Variants in MAP4K1 observed in about 807,000 individuals in gnomAD.
MAP4K1 encodes the protein mitogen-activated protein kinase kinase kinase kinase 1, also known as MAPK/ERK kinase kinase kinase 1.
Under a neutral mutation model 122.8 loss-of-function variants are expected in MAP4K1, and 35 were observed. The ratio of observed to expected loss-of-function variants is 0.29; its 90% CI spans 0.22 to 0.38. The LOEUF is 0.38. MAP4K1 is among the 10% of genes least tolerant of loss of function. MAP4K1 has a pLI of 1.00. For missense variants in MAP4K1, 791 were observed against 1,072.6 expected, an observed-to-expected ratio of 0.74 and a Z score of 3.67; for synonymous variants, 412 against 421.3, an observed-to-expected ratio of 0.98 and a Z score of 0.27.
intron 25 of MAP4K1, 96 bp downstream of exon 25, chr19:38,596,938 G>C: frequency 8.4e-7 from 1 of 1,193,658 alleles, no homozygotes; most frequent in East Asian, 2.4e-5. Context: ...CCTCGACGGA[G>C]GTGGGGCTTC....
chr19:38,589,561 A>G (rs1055878919), intron 30 of MAP4K1, among the ~76,000 whole-genome samples: 1 of 151,530 alleles, frequency 6.6e-6, no homozygotes, highest in African/African-American at 2.4e-5. Context: ...GATTACAGGC[A>G]TGCAACACCA....
At position 38,617,609 on chromosome 19, in the gene MAP4K1, G is replaced by A; in HGVS notation, c.116C>T (p.Ser39Leu). The change falls in exon 2 of 31, where the codon TCA becomes TTA. Residue 39 changes from serine to leucine, a missense_variant. Around this residue, in one of 4 missense-constraint regions of MAP4K1, gnomAD observed 163 missense variants for 286.1 expected, o/e 0.57. Transcript: ENST00000396857. This position sits in a 1 kb window ranked among gnomAD's most constrained non-coding sequence, Gnocchi z 4.1. ...CATCTTCAGTGCCACCAGGTCCCCT[G>A]ACACCTTGTCTCGAGCCTTGCAAAG... is the stretch of plus-strand genomic sequence containing the variant. ...GEVFKARDKVSGDLVALKMVK... is the reference protein window; with the variant it reads ...GEVFKARDKVLGDLVALKMVK... The A allele has an allele frequency of 6.2e-7, 1 of 1,614,100 alleles. No homozygotes were observed. The highest frequency in any genetic ancestry group is 1.3e-5 in the African/African-American group (1 of 75,008).
chr19:38,594,679 C>T (rs1289055644), intron 29 of MAP4K1, among the ~76,000 whole-genome samples: 1 of 151,532 alleles, frequency 6.6e-6, no homozygotes, highest in Non-Finnish European at 1.5e-5. Context: ...TGGCTCACAC[C>T]TGTAATCCTA....
chr19:38,590,396 TA>T (rs1974687413), intron 30 of MAP4K1, among the ~76,000 whole-genome samples: 1 of 26,360 alleles, frequency 3.8e-5, no homozygotes, highest in Non-Finnish European at 6.1e-5. Context: ...AAAAAAAAAA[TA>T]TATATATATA....
intron 29 of MAP4K1, among the ~76,000 whole-genome samples, chr19:38,594,468 C>T (rs911520121): frequency 1.1e-4 from 17 of 151,992 alleles, no homozygotes; most frequent in Non-Finnish European, 4.4e-5. Context: ...GACAAAACCC[C>T]GTCTCTACTA....
chr19:38,611,078 T>C lies in MAP4K1; in HGVS notation c.783A>G (p.Lys261=). The change falls in exon 11 of 31, where the codon AAA becomes AAG. Residue 261 remains lysine, a synonymous_variant. Transcript: ENST00000396857. ...TGAGCATCTTGGTGGCGCTGGGTCG[T>C]TTCTTGGGACTCTTAGTCAGAGTGA... The part of the protein sequence containing the change: ...IKVTLTKSPK[K]RPSATKMLSH... 6.2e-7 allele frequency: 1 copy of C among 1,612,022 alleles called. No individual in the cohort carries two copies. Among genetic ancestry groups the C allele is most frequent in the Non-Finnish European group, 8.5e-7 (1 of 1,179,316 alleles).
intron 13 of MAP4K1, 96 bp downstream of exon 13, chr19:38,609,500 T>C: frequency 3.8e-6 from 4 of 1,041,564 alleles, no homozygotes; most frequent in Non-Finnish European, 5.8e-6. Context: ...GATCAGATGA[T>C]GCTGAGGGTC....
intron 30 of MAP4K1, among the ~76,000 whole-genome samples, chr19:38,590,392 AAAATATATATATATATATAT>A (rs1432673640): frequency 2.0e-4 from 4 of 19,738 alleles, no homozygotes; most frequent in African/African-American, 6.2e-4. Context: ...AAAAAAAAAA[AAAATATATATATATATATAT>A]ATATATATAT....
chr19:38,613,839 ACC>A, intron 8 of MAP4K1, 39 bp downstream of exon 8: 1 of 1,514,704 alleles, frequency 6.6e-7, no homozygotes, highest in Non-Finnish European at 9.0e-7. Context: ...AAAACCACTG[ACC>A]CCCACTCCAC....
At chr19:38,600,767 C>T (rs899242533) in intron 20 of MAP4K1, among the ~76,000 whole-genome samples, 2 of 150,656 alleles carry the variant, frequency 1.3e-5, no homozygotes, top group African/African-American at 2.4e-5. Context: ...TCCAATATTC[C>T]TACTTTCACT....
chr19:38,605,789 C>T, intron 17 of MAP4K1, 59 bp from the exon 18 acceptor site: 1 of 1,518,662 alleles, frequency 6.6e-7, no homozygotes, highest in Non-Finnish European at 8.9e-7. Context: ...AGAGGGCACC[C>T]TTTTGCAACT....
intron 16 of MAP4K1, 79 bp from the exon 17 acceptor site, chr19:38,606,294 AG>A: frequency 1.4e-6 from 1 of 698,670 alleles, no homozygotes; most frequent in Non-Finnish European, 2.4e-6. Flanking sequence ...TCTGGGCTGG[AG>A]GCCCGGGACT....
At chr19:38,613,763 C>T in intron 8 of MAP4K1, 117 bp downstream of exon 8, 1 of 770,354 alleles carries the variant, frequency 1.3e-6, no homozygotes, top group South Asian at 1.7e-5. Flanking sequence ...AAAGAATCTT[C>T]CAAGGAGAAA....
intron 19 of MAP4K1, among the ~76,000 whole-genome samples, chr19:38,604,971 C>T (rs1174680785): frequency 1.3e-5 from 2 of 151,408 alleles, no homozygotes; most frequent in African/African-American, 4.9e-5. Flanking sequence ...CCTGTAATCT[C>T]AGCTACTCCG....
intron 17 of MAP4K1, 71 bp downstream of exon 17, chr19:38,606,102 C>G (rs1975321266): frequency 1.6e-6 from 2 of 1,257,872 alleles, no homozygotes; most frequent in Non-Finnish European, 2.3e-6. Flanking sequence ...ATCCCAGCAT[C>G]TAAGGACCTG....
chr19:38,612,229 G>A (rs1975518666), intron 9 of MAP4K1, among the ~76,000 whole-genome samples: 1 of 151,846 alleles, frequency 6.6e-6, no homozygotes, highest in African/African-American at 2.4e-5. Context: ...AGACTACCCT[G>A]GCCAACATGT....
intron 29 of MAP4K1, 94 bp from the exon 30 acceptor site, chr19:38,593,431 G>A (rs551595167): frequency 3.2e-5 from 37 of 1,140,460 alleles, no homozygotes; most frequent in African/African-American, 1.9e-4. Context: ...AGCTGGGCAC[G>A]GTGGCTCACG....
rs995100540 is a variant in MAP4K1, at chr19:38,616,138, G to A, written c.313+57C>T. 58 of 1,382,230 alleles carry A rather than the reference G, an allele frequency of 4.2e-5. No homozygotes were observed. The African/African-American group carries it at 6.3e-4, about 15-fold the overall frequency. 85.6% of individuals were successfully genotyped at this position (1,382,230 alleles called of 1,614,324 possible). A position where few individuals can be genotyped will look rare whatever the true frequency, so the allele number is the denominator to read the frequency against. On this transcript the variant is annotated intron_variant, in intron 4 of 30. Coordinates refer to ENST00000396857, the MANE Select transcript of MAP4K1 (RefSeq NM_001042600.3). ...GAGACGGAAGAGGTGAATTTGGGTC[G>A]GGGTTGGGGGGTGGGGATAGGGAGG...
At chr19:38,609,765 T>C in intron 12 of MAP4K1, 91 bp from the exon 13 acceptor site, 1 of 1,356,968 alleles carries the variant, frequency 7.4e-7, no homozygotes, top group East Asian at 2.3e-5. Context: ...TGTAACCCTC[T>C]GGGCACACAG....
Sources: allele counts gnomAD v4.1 joint callset (sites outside exome capture counted in the v4.1 genomes callset), GRCh38; gene constraint gnomAD v4.1.1; regional missense constraint gnomAD v4.1.1; non-coding constraint Gnocchi (gnomAD v3.1); transcripts MANE v1.5; gene names NCBI Gene and HGNC (gene_info 2026-07-23, HGNC 2026-07-21).